CCDC178: variants seen among roughly 807,000 people sequenced by gnomAD.
CCDC178 encodes the protein coiled-coil domain-containing protein 178.
In CCDC178, 126 loss-of-function variants were observed where a neutral mutation model predicts 117.4. The observed-to-expected ratio is 1.07, with a 90% CI of 0.93 to 1.24. CCDC178 has a LOEUF of 1.24. CCDC178 is among the 50% of genes most tolerant of loss of function. CCDC178 has a pLI of 0.00. For missense variants in CCDC178, 1,030 were observed against 986.9 expected (o/e 1.04, Z -0.59); for synonymous variants, 283 against 313.4 (o/e 0.90, Z 1.02).
intron 21 of CCDC178, among the ~76,000 whole-genome samples, chr18:33,005,041 T>C (rs775155079): frequency 6.6e-6 from 1 of 152,068 alleles, no homozygotes; most frequent in Admixed American, 6.6e-5. Context: ...ACAACCACTA[T>C]GGAAAATAGT....
At chr18:33,057,067 A>G (rs1057435526) in intron 21 of CCDC178, among the ~76,000 whole-genome samples, 4 of 152,046 alleles carry the variant, frequency 2.6e-5, no homozygotes, top group African/African-American at 9.7e-5. Flanking sequence ...CTAACTAAAT[A>G]AGCAAGCAAG....
chr18:32,979,445 C>T (rs2055099974), intron 21 of CCDC178, among the ~76,000 whole-genome samples: 1 of 152,090 alleles, frequency 6.6e-6, no homozygotes, highest in African/African-American at 2.4e-5. Context: ...AGGCATGAGC[C>T]GCTGCGCCCG....
At chr18:33,264,391 A>G (rs9957992) in intron 14 of CCDC178, among the ~76,000 whole-genome samples, 10,238 of 152,080 alleles carry the variant, frequency 0.067, 512 homozygotes, top group African/African-American at 0.14. Context: ...TTAGATATAT[A>G]GTAGACCTGA....
chr18:32,993,388 C>T (rs368931186), intron 21 of CCDC178, among the ~76,000 whole-genome samples: 9 of 152,224 alleles, frequency 5.9e-5, no homozygotes, highest in African/African-American at 1.4e-4. Context: ...GGCAATGACC[C>T]GACAACCCAA....
At chr18:33,164,093 C>T (rs985156956) in intron 20 of CCDC178, among the ~76,000 whole-genome samples, 3 of 144,462 alleles carry the variant, frequency 2.1e-5, no homozygotes, top group African/African-American at 5.1e-5. Flanking sequence ...TCTCAGGATC[C>T]GCTTACATTC....
intron 9 of CCDC178, 111 bp from the exon 10 acceptor site, chr18:33,333,505 ACT>A (rs1491230508): frequency 6.2e-5 from 22 of 356,912 alleles, no homozygotes; most frequent in East Asian, 9.8e-5. Context: ...GAATCTTACT[ACT>A]TTTTTTTTTT....
At chr18:33,038,882 C>T (rs1246172628) in intron 21 of CCDC178, among the ~76,000 whole-genome samples, 1 of 151,958 alleles carries the variant, frequency 6.6e-6, no homozygotes, top group Non-Finnish European at 1.5e-5. Context: ...TGCCAAAGGA[C>T]TCCCATCAAT....
chr18:33,253,029 T>C (rs955011385), intron 14 of CCDC178, among the ~76,000 whole-genome samples: 6 of 151,860 alleles, frequency 4.0e-5, no homozygotes, highest in African/African-American at 1.4e-4. Context: ...ACCCTGCCTA[T>C]CATGTGAATA....
intron 22 of CCDC178, among the ~76,000 whole-genome samples, chr18:32,958,684 T>C (rs1273322655): frequency 3.9e-5 from 6 of 152,322 alleles, no homozygotes; most frequent in African/African-American, 1.4e-4. Flanking sequence ...CTAAGGTACA[T>C]AGAAGTCTAT....
chr18:33,247,440 T>C lies in CCDC178; in HGVS notation c.1410-2012A>G, dbSNP rs191032734. Among the ~76,000 whole-genome samples the C allele has an allele frequency of 3.3e-4, 50 of 151,574 alleles. 2 individuals carry two copies. In the East Asian group the frequency reaches 9.0e-3, roughly 27 times the overall value. Reference sequence around the variant, plus strand: ...TTTTAAGGAATAATGAAAAGAAATATGGACAGAAATAATTAAAATAGTTTT... The same window carrying C: ...TTTTAAGGAATAATGAAAAGAAATACGGACAGAAATAATTAAAATAGTTTT... On this transcript the variant is annotated intron_variant, in intron 14 of 22. Transcript: ENST00000383096.
intron 20 of CCDC178, among the ~76,000 whole-genome samples, chr18:33,172,567 C>G (rs1031970229): frequency 3.3e-5 from 5 of 152,002 alleles, no homozygotes; most frequent in African/African-American, 1.2e-4. Context: ...ACCGTTAAAA[C>G]CTTACTAGGG....
chr18:33,285,692 TAG>T (rs911351848), intron 12 of CCDC178, among the ~76,000 whole-genome samples: 2 of 152,114 alleles, frequency 1.3e-5, no homozygotes, highest in African/African-American at 2.4e-5. Flanking sequence ...ATCACCTCAA[TAG>T]GTCAAATGAG....
chr18:33,190,832 C>T (rs271458), intron 20 of CCDC178, among the ~76,000 whole-genome samples: 24,525 of 152,092 alleles, frequency 0.16, 2,756 homozygotes, highest in African/African-American at 0.32. Context: ...TGCCTTACCT[C>T]TATTTTTCAA....
At position 33,330,913 on chromosome 18, in the gene CCDC178, T is replaced by G. The variant is rs187728002; in HGVS notation, c.879+2261A>C. 2.1e-3 allele frequency among the ~76,000 whole-genome samples: 323 copies of G among 152,200 alleles called. 1 individual carries two copies. The highest frequency in any genetic ancestry group is 3.3e-3 in the Admixed American group (50 of 15,282). ...TGAATCTCGTCCAAAAAATGTACAT[T>G]TATTGAAAACATCTGGAATAATGTT... On this transcript the variant is annotated intron_variant, in intron 10 of 22. Transcript: ENST00000383096.
At chr18:33,368,136 T>C (rs1243318284) in intron 6 of CCDC178, among the ~76,000 whole-genome samples, 1 of 152,028 alleles carries the variant, frequency 6.6e-6, no homozygotes, top group Non-Finnish European at 1.5e-5. Context: ...CTGTGTGATG[T>C]GTACATATAA....
chr18:33,196,616 A>G (rs1421982931), intron 20 of CCDC178, among the ~76,000 whole-genome samples: 2 of 152,058 alleles, frequency 1.3e-5, no homozygotes, highest in African/African-American at 4.8e-5. Flanking sequence ...CAGTTTTTTT[A>G]ACTTCTGGAT....
chr18:33,082,353 T>A (rs1395326911), intron 21 of CCDC178, among the ~76,000 whole-genome samples: 1 of 152,092 alleles, frequency 6.6e-6, no homozygotes. Flanking sequence ...TCACCTGTGG[T>A]CCCAGCTACT....
chr18:33,341,296 C>A (rs969074159), intron 9 of CCDC178, among the ~76,000 whole-genome samples: 2 of 152,110 alleles, frequency 1.3e-5, no homozygotes, highest in Non-Finnish European at 2.9e-5. Flanking sequence ...CTCCATTGTA[C>A]CTAGGAAGTA....
chr18:33,424,635 TAC>T (rs1225143444), intron 2 of CCDC178, among the ~76,000 whole-genome samples: 2 of 152,080 alleles, frequency 1.3e-5, no homozygotes, highest in Non-Finnish European at 2.9e-5. Flanking sequence ...CCATCTTGCA[TAC>T]AGACACAGGG....
Sources: gnomAD v4.1 joint callset for allele counts (sites outside exome capture counted in the v4.1 genomes callset) on GRCh38, gnomAD v4.1.1 for gene constraint, MANE v1.5 for transcripts, NCBI Gene and HGNC (gene_info 2026-07-23, HGNC 2026-07-21) for gene names.